CAST: variants seen among roughly 807,000 people sequenced by gnomAD.
CAST encodes MIR583 host.
CAST carries 76 observed loss-of-function variants against 119.6 expected under a neutral mutation model. The observed-to-expected ratio is 0.64, with a 90% confidence interval of 0.53 to 0.77. The LOEUF (loss-of-function observed/expected upper bound fraction) is 0.77. Among genes scored for constraint, CAST ranks in the 30% least tolerant of loss-of-function variants. The pLI is 0.00. For missense variants in CAST, 953 were observed against 946.5 expected (o/e 1.01, Z -0.09); for synonymous variants, 319 against 331.6 (o/e 0.96, Z 0.41).
chr5:96,482,799 C>A, the CAST span, among the ~76,000 whole-genome samples: 1 of 152,018 alleles, frequency 6.6e-6, no homozygotes, highest in Admixed American at 6.6e-5. Context: ...AATTGAAGTG[C>A]TAGAGAGAAG....
chr5:96,628,865 G>GT (rs758861391), intron 1 of CAST, among the ~76,000 whole-genome samples: 52 of 147,098 alleles, frequency 3.5e-4, no homozygotes, highest in Non-Finnish European at 4.3e-4. Context: ...GACATGAGGG[G>GT]CGGGGGGTCA....
At chr5:96,343,771 A>T in the CAST span, among the ~76,000 whole-genome samples, 3 of 152,178 alleles carry the variant, frequency 2.0e-5, no homozygotes, top group Non-Finnish European at 4.4e-5. Context: ...TAATGGTGTG[A>T]TTTACAAATG....
intron 15 of CAST, chr5:96,742,104 C>T (rs551862177): frequency 6.3e-6 from 1 of 159,546 alleles, no homozygotes; most frequent in African/African-American, 2.4e-5. Flanking sequence ...GCTTGTGCCT[C>T]TCCCCTCCTG....
chr5:96,618,062 AG>A (rs1336071958), intron 1 of CAST, among the ~76,000 whole-genome samples: 10 of 152,152 alleles, frequency 6.6e-5, no homozygotes, highest in Non-Finnish European at 1.2e-4. Flanking sequence ...GGCCAGTGGC[AG>A]GAGCTTGGCT....
the CAST span, among the ~76,000 whole-genome samples, chr5:96,378,821 T>A: frequency 2.0e-5 from 3 of 152,164 alleles, no homozygotes; most frequent in Admixed American, 1.3e-4. Flanking sequence ...TTTAGAATTT[T>A]AAAAAACTAA....
chr5:96,497,029 G>A, the CAST span, among the ~76,000 whole-genome samples: 1 of 105,578 alleles, frequency 9.5e-6, no homozygotes, highest in African/African-American at 4.0e-5. Flanking sequence ...CCCCACAACA[G>A]GCCCCAGTGT....
At chr5:96,009,665 T>G in the CAST span, among the ~76,000 whole-genome samples, 1 of 152,202 alleles carries the variant, frequency 6.6e-6, no homozygotes, top group Non-Finnish European at 1.5e-5. Context: ...GCTTGTTGAT[T>G]GAAGTTCCTT....
At chr5:96,068,697 A>C in the CAST span, among the ~76,000 whole-genome samples, 1 of 151,654 alleles carries the variant, frequency 6.6e-6, no homozygotes, top group East Asian at 1.9e-4. Flanking sequence ...TTAAACATAT[A>C]TGTATATTAA....
chr5:96,233,871 A>G, the CAST span, among the ~76,000 whole-genome samples: 376 of 152,310 alleles, frequency 2.5e-3, 1 homozygote, highest in Admixed American at 5.7e-3. Flanking sequence ...AACAAGAAGA[A>G]ATAATCTTAA....
intron 1 of CAST, among the ~76,000 whole-genome samples, chr5:96,546,014 G>A (rs1746003935): frequency 1.3e-5 from 2 of 152,114 alleles, no homozygotes; most frequent in African/African-American, 4.8e-5. Context: ...GAATACATTA[G>A]TTTTTTGTTT....
intron 1 of CAST, among the ~76,000 whole-genome samples, chr5:96,616,744 C>CTCTATA (rs796241546): frequency 3.2e-5 from 4 of 123,078 alleles, no homozygotes; most frequent in African/African-American, 1.5e-4. Flanking sequence ...CTCTCTCTCT[C>CTCTATA]TATATATATA....
At chr5:96,682,799 C>G (rs1197782052) in intron 2 of CAST, among the ~76,000 whole-genome samples, 6 of 152,210 alleles carry the variant, frequency 3.9e-5, no homozygotes, top group Non-Finnish European at 1.5e-5. Flanking sequence ...AGTGGACTTT[C>G]ATTCATTACA....
At chr5:96,175,386 A>C in the CAST span, among the ~76,000 whole-genome samples, 1 of 152,210 alleles carries the variant, frequency 6.6e-6, no homozygotes, top group Non-Finnish European at 1.5e-5. Context: ...AAAATTATCG[A>C]GTATCTACTG....
the CAST span, among the ~76,000 whole-genome samples, chr5:96,069,109 G>A: frequency 8.8e-5 from 13 of 148,252 alleles, no homozygotes; most frequent in African/African-American, 1.2e-4. Context: ...TGTTGATTCC[G>A]TCTTCATGTA....
At chr5:96,233,006 A>T in the CAST span, among the ~76,000 whole-genome samples, 6 of 152,196 alleles carry the variant, frequency 3.9e-5, no homozygotes, top group African/African-American at 1.4e-4. Flanking sequence ...TGGAATAGTA[A>T]AAAAGGGGAA....
the CAST span, among the ~76,000 whole-genome samples, chr5:96,385,472 T>A: frequency 1.3e-5 from 2 of 152,368 alleles, no homozygotes; most frequent in Admixed American, 1.3e-4. Context: ...TGTACAACCT[T>A]TGGCAAATGA....
At chr5:96,443,121 C>G in the CAST span, among the ~76,000 whole-genome samples, 2 of 152,016 alleles carry the variant, frequency 1.3e-5, no homozygotes, top group Non-Finnish European at 2.9e-5. Flanking sequence ...ACATAACTTC[C>G]CAGGAGCCAA....
intron 1 of CAST, among the ~76,000 whole-genome samples, chr5:96,613,831 G>A (rs1747406820): frequency 6.6e-6 from 1 of 152,112 alleles, no homozygotes; most frequent in Non-Finnish European, 1.5e-5. Flanking sequence ...GGTCTGGGGT[G>A]GAGCCTGCAA....
the CAST span, among the ~76,000 whole-genome samples, chr5:96,232,464 G>A: frequency 2.0e-5 from 3 of 152,048 alleles, no homozygotes; most frequent in Non-Finnish European, 4.4e-5. Context: ...AAAATCTATG[G>A]GGATCTGCAG....
Sources: allele counts gnomAD v4.1 joint callset (sites outside exome capture counted in the v4.1 genomes callset), GRCh38; gene constraint gnomAD v4.1.1; transcripts MANE v1.5; gene names NCBI Gene and HGNC (gene_info 2026-07-23, HGNC 2026-07-21).